Variants in PCDH9 observed in about 807,000 individuals in gnomAD.
The protein encoded by PCDH9 is protocadherin-9.
Under a neutral mutation model 70.6 loss-of-function variants are expected in PCDH9, and 24 were observed. The ratio of observed to expected loss-of-function variants is 0.34; its 90% CI spans 0.25 to 0.48. PCDH9 has a LOEUF of 0.48. PCDH9 is among the 20% of genes least tolerant of loss of function. PCDH9 has a pLI of 0.99. For missense variants in PCDH9, 1,281 were observed against 1,503.6 expected (o/e 0.85, Z 2.45); for synonymous variants, 562 against 558.5 (o/e 1.01, Z -0.09).
chr13:66,801,089 G>GATGT, intron 3 of PCDH9, among the ~76,000 whole-genome samples: 1 of 151,372 alleles, frequency 6.6e-6, no homozygotes. Flanking sequence ...CGAGGAGGGG[G>GATGT]ATGTAGGTCT....
intron 4 of PCDH9, among the ~76,000 whole-genome samples, chr13:66,504,191 T>C (rs2138567771): frequency 6.6e-6 from 1 of 152,376 alleles, no homozygotes; most frequent in Middle Eastern, 3.4e-3. Context: ...TCCTTTTGTC[T>C]AAAAACGTCT....
At chr13:67,121,131 A>G (rs2086870624) in intron 2 of PCDH9, among the ~76,000 whole-genome samples, 1 of 152,198 alleles carries the variant, frequency 6.6e-6, no homozygotes, top group Non-Finnish European at 1.5e-5. Context: ...AAGAGCTAGT[A>G]AGATAATCTT....
At chr13:66,886,219 C>A (rs2082002722) in intron 3 of PCDH9, 1 of 152,154 alleles carries the variant, frequency 6.6e-6, no homozygotes, top group Non-Finnish European at 1.5e-5. Context: ...AATCTCTGAT[C>A]TGTGTTTTTC....
intron 3 of PCDH9, among the ~76,000 whole-genome samples, chr13:66,713,655 T>TATATA (rs1474635736): frequency 4.7e-5 from 3 of 63,624 alleles, no homozygotes; most frequent in African/African-American, 1.2e-4. Flanking sequence ...ATATATATAA[T>TATATA]GTACACACAC....
chr13:66,730,583 C>G (rs766499410), intron 3 of PCDH9, among the ~76,000 whole-genome samples: 1 of 152,062 alleles, frequency 6.6e-6, no homozygotes, highest in Admixed American at 6.6e-5. Context: ...CATTTGCATT[C>G]CATGAGGGTG....
Position 66,940,770 on chromosome 13 carries a change from CAA to C in PCDH9, c.3037-37167_3037-37166del, listed in dbSNP as rs1416106267. Among the ~76,000 whole-genome samples the C allele has an allele frequency of 1.2e-4, 17 of 136,216 alleles. 1 individual carries two copies. The East Asian group carries it at 3.6e-3, about 29-fold the overall frequency. The allele number at this position is 136,216 out of a possible 152,430, so 89.4% of individuals were successfully genotyped here. A position where few individuals can be genotyped will look rare whatever the true frequency, so the allele number is the denominator to read the frequency against. On this transcript the variant is annotated intron_variant, in intron 2 of 4. Transcript: ENST00000377865. ...AAATAGCTTAAAGAAGTAAAAATGT[CAA>C]AAAAGAGGAAAAATAGCAAAATACA...
At chr13:66,415,143 A>T (rs189749115) in intron 4 of PCDH9, among the ~76,000 whole-genome samples, 1 of 152,274 alleles carries the variant, frequency 6.6e-6, no homozygotes, top group East Asian at 1.9e-4. Flanking sequence ...TTAGATATTA[A>T]TTTTAAAAAC....
At chr13:66,473,452 T>G (rs1958658973) in intron 4 of PCDH9, among the ~76,000 whole-genome samples, 5 of 152,090 alleles carry the variant, frequency 3.3e-5, no homozygotes, top group Admixed American at 2.6e-4. Context: ...CTTAGTAACA[T>G]ATGCTAGAAT....
chr13:66,724,703 C>T (rs1354747068), intron 3 of PCDH9, among the ~76,000 whole-genome samples: 1 of 152,124 alleles, frequency 6.6e-6, no homozygotes, highest in African/African-American at 2.4e-5. Context: ...AGCCAAATAA[C>T]CTAACCTGAA....
chr13:66,906,018 T>G (rs983445840), intron 2 of PCDH9, among the ~76,000 whole-genome samples: 4 of 152,212 alleles, frequency 2.6e-5, no homozygotes, highest in African/African-American at 7.2e-5. Flanking sequence ...GTGCATGTTA[T>G]GTGTCAGAAT....
intron 3 of PCDH9, among the ~76,000 whole-genome samples, chr13:66,713,619 G>GTATATA (rs1482502312): frequency 1.1e-4 from 2 of 17,706 alleles, no homozygotes; most frequent in African/African-American, 2.6e-4. Flanking sequence ...TAAAGTGTGT[G>GTATATA]TGTGTGTATA....
chr13:67,146,261 G>A (rs2087520728), intron 2 of PCDH9, among the ~76,000 whole-genome samples: 1 of 152,094 alleles, frequency 6.6e-6, no homozygotes, highest in South Asian at 2.1e-4. Flanking sequence ...AGATAATGAA[G>A]CTGCATGCTC....
intron 3 of PCDH9, among the ~76,000 whole-genome samples, chr13:66,825,645 A>T (rs576091535): frequency 6.6e-6 from 1 of 152,206 alleles, no homozygotes; most frequent in South Asian, 2.1e-4. Flanking sequence ...AAAAACTTTT[A>T]AAAACTGTAA....
intron 3 of PCDH9, among the ~76,000 whole-genome samples, chr13:66,750,395 C>A (rs1010407754): frequency 1.3e-5 from 2 of 151,568 alleles, no homozygotes; most frequent in East Asian, 3.9e-4. Flanking sequence ...GTAAGCAACA[C>A]AGCCTCCCTT....
At chr13:66,535,993 T>G (rs531501681) in intron 4 of PCDH9, among the ~76,000 whole-genome samples, 1 of 152,196 alleles carries the variant, frequency 6.6e-6, no homozygotes, top group African/African-American at 2.4e-5. Context: ...CTAGCTATAT[T>G]TGTAATATCA....
At chr13:66,612,470 T>C (rs369250158) in intron 4 of PCDH9, among the ~76,000 whole-genome samples, 8 of 152,338 alleles carry the variant, frequency 5.3e-5, no homozygotes, top group African/African-American at 1.9e-4. Context: ...GACTTGCAAA[T>C]AACTATAATA....
intron 4 of PCDH9, among the ~76,000 whole-genome samples, chr13:66,374,682 A>T (rs1956718074): frequency 6.6e-6 from 1 of 151,968 alleles, no homozygotes; most frequent in Non-Finnish European, 1.5e-5. Context: ...TCATAATGCC[A>T]CTCCATCAAA....
Position 67,225,528 on chromosome 13 carries a change from G to A in PCDH9, c.2913C>T (p.Asn971=). 6.2e-7 allele frequency: 1 copy of A among 1,614,096 alleles called. No individual in the cohort carries two copies. The highest frequency in any genetic ancestry group is 1.6e-4 in the Middle Eastern group (1 of 6,062). ...HHVIQELPLD[N]TFVGGCDTLS... is the part of the protein sequence containing the mutation. ...GGGTGTCACAACCCCCAACAAAGGT[G>A]TTGTCCAAAGGGAGTTCCTGAATCA... The change falls in exon 2 of 5, where the codon AAC becomes AAT. Residue 971 remains asparagine (N), a synonymous_variant. Coordinates refer to ENST00000377865, the MANE Select transcript of PCDH9 (RefSeq NM_203487.3).
chr13:66,988,419 T>C (rs1041939081), intron 2 of PCDH9, among the ~76,000 whole-genome samples: 2 of 152,008 alleles, frequency 1.3e-5, no homozygotes, highest in African/African-American at 4.8e-5. Context: ...CTCCTTATGC[T>C]ATTTATCCTC....
Sources: allele counts gnomAD v4.1 joint callset (sites outside exome capture counted in the v4.1 genomes callset), GRCh38; gene constraint gnomAD v4.1.1; transcripts MANE v1.5; gene names NCBI Gene and HGNC (gene_info 2026-07-23, HGNC 2026-07-21).